The following SGIP1 variants were observed in gnomAD, a reference collection of about 807,000 sequenced individuals.
SGIP1 encodes the protein SH3-containing GRB2-like protein 3-interacting protein 1.
Under a neutral mutation model 107.5 loss-of-function variants are expected in SGIP1, and 38 were observed. The ratio of observed to expected loss-of-function variants is 0.35; its 90% CI spans 0.27 to 0.46. The LOEUF (loss-of-function observed/expected upper bound fraction) is 0.46. SGIP1 is among the 20% of genes least tolerant of loss of function. SGIP1 has a pLI of 1.00. For missense variants in SGIP1, 929 were observed against 1,019.5 expected, an observed-to-expected ratio of 0.91 and a Z score of 1.21; for synonymous variants, 365 against 366.1, an observed-to-expected ratio of 1.00 and a Z score of 0.03.
intron 1 of SGIP1, among the ~76,000 whole-genome samples, chr1:66,551,039 T>C (rs2057326273): frequency 6.6e-6 from 1 of 152,126 alleles, no homozygotes; most frequent in Admixed American, 6.6e-5. Context: ...TATAGCATGC[T>C]TACCTACTGT....
chr1:66,689,019 A>G (rs2150084514), intron 15 of SGIP1, 129 bp from the exon 16 acceptor site: 3 of 984,920 alleles, frequency 3.0e-6, no homozygotes, highest in Non-Finnish European at 4.3e-6. Flanking sequence ...AGAAAGTGCT[A>G]CAGTGTTTAG....
At chr1:66,660,381 A>T (rs556374624) in intron 7 of SGIP1, 132 bp from the exon 8 acceptor site, 1 of 800,140 alleles carries the variant, frequency 1.2e-6, no homozygotes, top group Admixed American at 2.0e-5. Flanking sequence ...CACAGGAAGC[A>T]TTTATAAAAG....
At chr1:66,693,014 C>T (rs1201521952) in intron 17 of SGIP1, among the ~76,000 whole-genome samples, 1 of 151,930 alleles carries the variant, frequency 6.6e-6, no homozygotes, top group African/African-American at 2.4e-5. Context: ...ATTTTTTATA[C>T]GACTAAGAAA....
At chr1:66,586,499 T>C (rs1179432663) in intron 1 of SGIP1, among the ~76,000 whole-genome samples, 1 of 152,194 alleles carries the variant, frequency 6.6e-6, no homozygotes, top group East Asian at 1.9e-4. Flanking sequence ...TTCTAGTGGC[T>C]GCTCTAGATA....
intron 12 of SGIP1, among the ~76,000 whole-genome samples, chr1:66,676,197 A>C (rs1171142577): frequency 2.0e-5 from 3 of 152,206 alleles, no homozygotes; most frequent in African/African-American, 7.2e-5. Flanking sequence ...GCAACCTGCC[A>C]AGGTCCTACG....
Position 66,693,130 on chromosome 1 carries a change from C to G in SGIP1, c.1571-2304C>G, listed in dbSNP as rs573866680. ...AAGTGCACAGTTTAGAATCAATGAG[C>G]CAGGTATGGTGGTGTGCGGTGGTAA... On this transcript the variant is annotated intron_variant, in intron 17 of 24. Transcript: ENST00000371037. 2.2e-4 allele frequency among the ~76,000 whole-genome samples: 33 copies of G among 151,926 alleles called. No homozygotes were observed. In the South Asian group the frequency reaches 6.9e-3, roughly 32 times the overall value.
chr1:66,569,611 G>A (rs1238105751), intron 1 of SGIP1, among the ~76,000 whole-genome samples: 2 of 151,836 alleles, frequency 1.3e-5, no homozygotes, highest in South Asian at 2.1e-4. Context: ...CTTGGTTGTG[G>A]TATATAATTT....
At position 66,682,007 on chromosome 1, in the gene SGIP1, C is replaced by T. The variant is rs1019099460; in HGVS notation, c.953C>T (p.Thr318Ile). The T allele has an allele frequency of 3.1e-6, 5 of 1,614,070 alleles. No individual in the cohort carries two copies. The Admixed American group carries it at 8.3e-5, about 27-fold the overall frequency. Residue 318 changes from threonine to isoleucine, a missense_variant, in exon 15 of 25, where the codon ACA becomes ATA. Thr to Ile is a moderately conservative substitution (Grantham distance 89). Transcript: ENST00000371037. ...GAAAAGTGGGTCCATTTTTCTGATACATCCCCGGAACATGTTACTCCGGAG... is the reference window on the plus strand; with the variant it reads ...GAAAAGTGGGTCCATTTTTCTGATATATCCCCGGAACATGTTACTCCGGAG... The part of the protein sequence containing the change: ...AEEKWVHFSD[T>I]SPEHVTPELT...
chr1:66,721,888 C>G (rs1572246351), intron 19 of SGIP1, among the ~76,000 whole-genome samples: 1 of 152,072 alleles, frequency 6.6e-6, no homozygotes, highest in Admixed American at 6.6e-5. Flanking sequence ...GCTTTTGCAC[C>G]CCTACAAAGT....
intron 21 of SGIP1, among the ~76,000 whole-genome samples, chr1:66,736,954 A>C (rs2094285075): frequency 6.6e-6 from 1 of 152,142 alleles, no homozygotes; most frequent in Admixed American, 6.5e-5. Context: ...TACTCTTCAA[A>C]CATTATGGAT....
chr1:66,686,595 C>T (rs988417674), intron 15 of SGIP1, among the ~76,000 whole-genome samples: 1 of 152,136 alleles, frequency 6.6e-6, no homozygotes, highest in Non-Finnish European at 1.5e-5. Flanking sequence ...GTATGTGAAG[C>T]CTTTGTTCAG....
chr1:66,536,052 A>T (rs2147948145), intron 1 of SGIP1, among the ~76,000 whole-genome samples: 1 of 152,352 alleles, frequency 6.6e-6, no homozygotes, highest in South Asian at 2.1e-4. Flanking sequence ...ATGCTCATGA[A>T]TGATTCTCCT....
chr1:66,616,616 G>A (rs1225521393), intron 1 of SGIP1, among the ~76,000 whole-genome samples: 2 of 152,152 alleles, frequency 1.3e-5, no homozygotes, highest in Non-Finnish European at 2.9e-5. Context: ...AACTGTGTCT[G>A]CTCCCCATGG....
intron 1 of SGIP1, among the ~76,000 whole-genome samples, chr1:66,550,719 T>C (rs2057278946): frequency 6.6e-6 from 1 of 152,112 alleles, no homozygotes; most frequent in Non-Finnish European, 1.5e-5. Flanking sequence ...TTCACAACAA[T>C]TTCATAAGAT....
chr1:66,694,524 A>T (rs2090484357), intron 17 of SGIP1: 1 of 1,564,500 alleles, frequency 6.4e-7, no homozygotes. Flanking sequence ...TAGCCAAGTG[A>T]TCTCTAGAGA....
chr1:66,638,846 C>T (rs148832740), intron 4 of SGIP1, among the ~76,000 whole-genome samples: 7 of 152,162 alleles, frequency 4.6e-5, no homozygotes, highest in Non-Finnish European at 7.3e-5. Flanking sequence ...AAGCCTCATG[C>T]GTCACCATTT....
At chr1:66,533,908 C>A (rs529576841), upstream of SGIP1, among the ~76,000 whole-genome samples, 4 of 149,740 alleles carry the variant, frequency 2.7e-5, no homozygotes, top group Non-Finnish European at 5.9e-5. Context: ...AAGGAGACGA[C>A]GAGGAGGGGC....
intron 1 of SGIP1, among the ~76,000 whole-genome samples, chr1:66,550,680 G>C (rs2057272322): frequency 6.6e-6 from 1 of 152,084 alleles, no homozygotes; most frequent in South Asian, 2.1e-4. Context: ...TGTTCCTAAA[G>C]TATCTATAAA....
intron 8 of SGIP1, chr1:66,667,032 C>T (rs967284975): frequency 6.5e-6 from 1 of 152,856 alleles, no homozygotes; most frequent in African/African-American, 2.4e-5. Flanking sequence ...AAGAAAAAAT[C>T]CAGACAAGGA....
Sources: allele counts gnomAD v4.1 joint callset (sites outside exome capture counted in the v4.1 genomes callset), GRCh38; gene constraint gnomAD v4.1.1; transcripts MANE v1.5; gene names NCBI Gene and HGNC (gene_info 2026-07-23, HGNC 2026-07-21).